ABL2: variants seen among roughly 807,000 people sequenced by gnomAD.
ABL2 encodes ABL proto-oncogene 2, non-receptor tyrosine kinase, also known as tyrosine-protein kinase ABL2.
In ABL2, 49 loss-of-function variants were observed where a neutral mutation model predicts 107.7. The ratio of observed to expected loss-of-function variants is 0.45; its 90% CI spans 0.36 to 0.58. The LOEUF is 0.58. ABL2 is among the 20% of genes least tolerant of loss of function. ABL2 has a pLI of 0.00. For synonymous variants in ABL2, 549 were observed against 548.6 expected (o/e 1.00, Z -0.01); for missense variants, 1,245 against 1,457.0 (o/e 0.85, Z 2.37).
intron 1 of ABL2, chr1:179,143,239 A>T: frequency 1.6e-6 from 1 of 625,922 alleles, no homozygotes; most frequent in Non-Finnish European, 2.5e-6. Flanking sequence ...ATTTCCAGCA[A>T]TCCGCAAAAG....
At chr1:179,139,846 G>T (rs1389499193) in intron 1 of ABL2, among the ~76,000 whole-genome samples, 1 of 152,146 alleles carries the variant, frequency 6.6e-6, no homozygotes, top group Non-Finnish European at 1.5e-5. Context: ...TAGGTTGAAT[G>T]CTCCTTATGA....
chr1:179,225,275 A>G (rs1663127295), intron 1 of ABL2, among the ~76,000 whole-genome samples: 1 of 152,226 alleles, frequency 6.6e-6, no homozygotes, highest in South Asian at 2.1e-4. Flanking sequence ...TCCATAATGT[A>G]TGTACCTTTT....
rs1342990261 is a variant in ABL2, at chr1:179,108,389, G to A, written c.2878C>T (p.Leu960Phe). The A allele has an allele frequency of 2.5e-6, 4 of 1,614,106 alleles. No homozygotes were observed. The highest frequency in any genetic ancestry group is 2.2e-5 in the East Asian group (1 of 44,896). The change falls in exon 12 of 12, where the codon CTC (leucine) becomes TTC (phenylalanine). Residue 960 changes from leucine (L) to phenylalanine (F), a missense_variant. Transcript: ENST00000502732. ...GTDSQGNKFK[L>F]LSEHQVTSSG... ...GATGTGACCTGATGCTCAGATAAGA[G>A]CTTGAATTTATTCCCCTGAGAGTCT...
Position 179,099,812 on chromosome 1 carries a change from C to T in ABL2, c.*7906G>A, listed in dbSNP as rs1652953655. ...AGCGAGCATAAAACTGGGGTTTGTC[C>T]AGTGACAGTCATTAGAGAATCAGAC... On this transcript the variant is annotated 3_prime_UTR_variant, in exon 12 of 12. Transcript: ENST00000502732. The T allele has an allele frequency of 4.3e-6, 1 of 231,986 alleles. No homozygotes were observed. Among genetic ancestry groups the T allele is most frequent in the African/African-American group, 2.2e-5 (1 of 45,364 alleles). The allele number at this position is 231,986 out of a possible 1,614,324, so 14.4% of individuals were successfully genotyped here.
In ABL2 at chr1:179,117,353, A is replaced by G; in HGVS notation, c.1387T>C (p.Ser463Pro). ...APESLAYNTF[S>P]IKSDVWAFGV... ...TTACCCCAGACGTCAGATTTAATTG[A>G]GAAGGTATTGTAGGCAAGACTCTCT... The change falls in exon 8 of 12, where the codon TCA becomes CCA. Residue 463 changes from serine to proline, a missense_variant. Around this residue, in one of 3 missense-constraint regions of ABL2, gnomAD observed 320 missense variants for 547.0 expected, o/e 0.59. Coordinates refer to ENST00000502732, the MANE Select transcript of ABL2 (RefSeq NM_007314.4). 6 of 1,614,156 alleles carry G rather than the reference A, an allele frequency of 3.7e-6. No individual in the cohort carries two copies. Among genetic ancestry groups the G allele is most frequent in the Non-Finnish European group, 5.1e-6 (6 of 1,180,030 alleles).
intron 4 of ABL2, among the ~76,000 whole-genome samples, chr1:179,125,340 A>G (rs1173045900): frequency 6.6e-6 from 1 of 152,222 alleles, no homozygotes; most frequent in East Asian, 1.9e-4. Flanking sequence ...TTATGAATAT[A>G]CCACAATTTA....
At chr1:179,212,392 G>C (rs796076823) in intron 1 of ABL2, among the ~76,000 whole-genome samples, 13 of 152,318 alleles carry the variant, frequency 8.5e-5, no homozygotes, top group African/African-American at 2.6e-4. Context: ...CCAAGTTCCT[G>C]TTCTCACAGG....
Position 179,104,232 on chromosome 1 carries a change from T to C in ABL2, c.*3486A>G. 4.3e-6 allele frequency: 1 copy of C among 230,162 alleles called. No individual in the cohort carries two copies. Among genetic ancestry groups the C allele is most frequent in the Non-Finnish European group, 8.6e-6 (1 of 116,088 alleles). 14.3% of individuals were successfully genotyped at this position (230,162 alleles called of 1,614,324 possible). On this transcript the variant is annotated 3_prime_UTR_variant, in exon 12 of 12. Transcript: ENST00000502732. ...AACCCTGAGGTAGTTACTATTATTA[T>C]CCCTGTTTTACAGTGAGGAAACTGA...
Position 179,157,004 on chromosome 1 carries a change from T to C in ABL2, c.158-23630A>G, listed in dbSNP as rs189950537. ...AGTGAATGACTCACAATAAAGCTCA[T>C]TGTTATCGCTGGCTTTATTTATGAG... On this transcript the variant is annotated intron_variant, in intron 1 of 11. Coordinates refer to ENST00000502732, the MANE Select transcript of ABL2 (RefSeq NM_007314.4). Among the ~76,000 whole-genome samples the C allele has an allele frequency of 3.0e-3, 462 of 152,302 alleles. 3 individuals are homozygous for C. Among genetic ancestry groups the C allele is most frequent in the Middle Eastern group, 6.8e-3 (2 of 294 alleles).
intron 1 of ABL2, among the ~76,000 whole-genome samples, chr1:179,188,102 C>T (rs1452050963): frequency 6.6e-6 from 1 of 152,206 alleles, no homozygotes; most frequent in Non-Finnish European, 1.5e-5. Context: ...ATATACACCT[C>T]TACTGTAAAT....
Position 179,126,384 on chromosome 1 carries a change from T to C in ABL2, c.680A>G (p.Asp227Gly). ...VYHYRINTTA[D>G]GKVYVTAESR... ...GTGACCAGGGAGTCTTACCTTGCCA[T>C]CTGCAGTGGTATTGATCCTGTAGTG... The change falls in exon 4 of 12, where the codon GAT (aspartate) becomes GGT (glycine). Residue 227 changes from aspartate (D) to glycine (G), a missense_variant. Physicochemically the swap from Asp to Gly is moderately conservative, Grantham distance 94. Around this residue, in one of 3 missense-constraint regions of ABL2, gnomAD observed 320 missense variants for 547.0 expected, o/e 0.59. Coordinates refer to ENST00000502732, the MANE Select transcript of ABL2 (RefSeq NM_007314.4). The surrounding 1 kb of genome is among the most constrained non-coding windows in gnomAD (Gnocchi z 4.4). 6.2e-7 allele frequency: 1 copy of C among 1,611,550 alleles called. No individual in the cohort carries two copies. The highest frequency in any genetic ancestry group is 8.5e-7 in the Non-Finnish European group (1 of 1,177,840).
intron 1 of ABL2, among the ~76,000 whole-genome samples, chr1:179,134,734 C>T (rs1437030217): frequency 7.2e-6 from 1 of 139,566 alleles, no homozygotes; most frequent in African/African-American, 2.6e-5. Flanking sequence ...CTCTCCCTCT[C>T]CACGGTCGCC....
At chr1:179,227,404 A>G (rs1415970623) in intron 1 of ABL2, among the ~76,000 whole-genome samples, 2 of 152,144 alleles carry the variant, frequency 1.3e-5, no homozygotes, top group African/African-American at 4.8e-5. Flanking sequence ...AATTATATCT[A>G]TTCCCATGTT....
chr1:179,166,692 G>A (rs989627523), intron 1 of ABL2, among the ~76,000 whole-genome samples: 20 of 150,096 alleles, frequency 1.3e-4, no homozygotes, highest in African/African-American at 4.7e-4. Flanking sequence ...GAGGAGAATC[G>A]CTTGAACCTG....
intron 1 of ABL2, among the ~76,000 whole-genome samples, chr1:179,175,320 G>A (rs954701716): frequency 2.7e-5 from 4 of 146,764 alleles, no homozygotes; most frequent in Non-Finnish European, 6.2e-5. Flanking sequence ...AAAATAAAGA[G>A]AGGCAAGATG....
At chr1:179,223,981 TAGAA>T (rs1246394603) in intron 1 of ABL2, among the ~76,000 whole-genome samples, 3 of 121,090 alleles carry the variant, frequency 2.5e-5, no homozygotes, top group Non-Finnish European at 3.6e-5. Flanking sequence ...AAAAAAAAAA[TAGAA>T]AGGCATGGTG....
intron 1 of ABL2, chr1:179,184,579 G>A: frequency 1.8e-6 from 1 of 563,732 alleles, no homozygotes; most frequent in Non-Finnish European, 3.2e-6. Flanking sequence ...AGATGAGGAG[G>A]AGGAGGAGGA....
chr1:179,196,788 A>C (rs1661335838), intron 1 of ABL2, among the ~76,000 whole-genome samples: 1 of 150,334 alleles, frequency 6.7e-6, no homozygotes, highest in Admixed American at 6.6e-5. Context: ...AAAAAAAACA[A>C]AAAAAAAAAC....
chr1:179,133,521 A>T (rs1267226682), intron 1 of ABL2, 147 bp from the exon 2 acceptor site: 1 of 1,284,764 alleles, frequency 7.8e-7, no homozygotes, highest in Non-Finnish European at 1.1e-6. Context: ...TCCCTACTCC[A>T]TACCTCAAAT....
Sources: allele counts gnomAD v4.1 joint callset (sites outside exome capture counted in the v4.1 genomes callset), GRCh38; gene constraint gnomAD v4.1.1; regional missense constraint gnomAD v4.1.1; non-coding constraint Gnocchi (gnomAD v3.1); transcripts MANE v1.5; gene names NCBI Gene and HGNC (gene_info 2026-07-23, HGNC 2026-07-21).